The following ERBB3 variants were observed in gnomAD, a reference collection of about 807,000 sequenced individuals.
The protein encoded by ERBB3 is receptor tyrosine-protein kinase erbB-3.
In ERBB3, 96 loss-of-function variants were observed where a neutral mutation model predicts 156.7. The ratio of observed to expected loss-of-function variants is 0.61; its 90% CI spans 0.52 to 0.73. The LOEUF (loss-of-function observed/expected upper bound fraction) is 0.73, where lower values mean the gene tolerates loss of function less well. Ranked by LOEUF, ERBB3 falls within the 30% of genes least tolerant of loss-of-function variation. ERBB3 has a pLI of 0.00. For missense variants in ERBB3, 1,406 were observed against 1,709.4 expected (o/e 0.82, Z 3.13); for synonymous variants, 567 against 632.0 (o/e 0.90, Z 1.54).
rs1868803187 is a variant in ERBB3 at position 56,093,909 on chromosome 12, G to A, written c.1613+13G>A. The A allele has an allele frequency of 6.2e-7, 1 of 1,613,684 alleles. No homozygotes were observed. Among genetic ancestry groups the A allele is most frequent in the Non-Finnish European group, 8.5e-7 (1 of 1,179,798 alleles). On this transcript the variant is annotated intron_variant, in intron 13 of 27. Transcript: ENST00000267101. Reference sequence around the variant, plus strand: ...ACTTTCTGAATGGGTACAGTAAGGGGAGCCAGTCAAGGATGGGTGGGGGTG... The same window carrying A: ...ACTTTCTGAATGGGTACAGTAAGGGAAGCCAGTCAAGGATGGGTGGGGGTG...
Position 56,093,512 on chromosome 12 carries a change from G to A in ERBB3, c.1442G>A (p.Arg481Gln), listed in dbSNP as rs746806935. The A allele has an allele frequency of 3.7e-6, 6 of 1,613,504 alleles. No homozygotes were observed. The highest frequency in any genetic ancestry group is 3.3e-4 in the Middle Eastern group (2 of 6,048). Residue 481 changes from arginine to glutamine, a missense_variant, in exon 12 of 28, where the codon CGA (arginine) becomes CAA (glutamine). Arg to Gln is a conservative substitution (Grantham distance 43). Transcript: ENST00000267101. ...TKVLRGPTEE[R>Q]LDIKHNRPRR... ...GTGCTTCGGGGGCCTACGGAAGAGCGACTAGACATCAAGCATAATCGGCCG... is the reference window on the plus strand; with the variant it reads ...GTGCTTCGGGGGCCTACGGAAGAGCAACTAGACATCAAGCATAATCGGCCG...
intron 22 of ERBB3, 45 bp from the exon 23 acceptor site, chr12:56,098,714 T>C (rs760776632): frequency 2.5e-6 from 4 of 1,611,304 alleles, no homozygotes; most frequent in Non-Finnish European, 3.4e-6. Flanking sequence ...TTCATGCCCA[T>C]GTCTACTATT....
At chr12:56,084,881 G>T in intron 2 of ERBB3, 114 bp from the exon 3 acceptor site, 1 of 1,526,814 alleles carries the variant, frequency 6.5e-7, no homozygotes, top group Non-Finnish European at 8.9e-7. Flanking sequence ...AGAAAGGAAA[G>T]AAAGAAGGAA....
Position 56,095,655 on chromosome 12 carries a change from T to C in ERBB3, c.1914-10T>C. ...CCCAGGATAATGTTGGGTTTCTATA[T>C]ATCCCATAGCAAAACCCATCTGACA... On this transcript the variant is annotated splice_polypyrimidine_tract_variant and intron_variant, in intron 16 of 27. Transcript: ENST00000267101. The C allele has an allele frequency of 1.2e-6, 2 of 1,614,154 alleles. No homozygotes were observed. Among genetic ancestry groups the C allele is most frequent in the Non-Finnish European group, 1.7e-6 (2 of 1,179,986 alleles).
chr12:56,095,336 A>C (rs759029932), intron 16 of ERBB3, 26 bp downstream of exon 16: 2 of 1,598,708 alleles, frequency 1.3e-6, no homozygotes, highest in African/African-American at 2.7e-5. Context: ...AGATTCTGGA[A>C]ACTGGGGATA....
intron 9 of ERBB3, among the ~76,000 whole-genome samples, chr12:56,089,701 C>T (rs189800795): frequency 1.3e-5 from 2 of 151,714 alleles, no homozygotes; most frequent in Non-Finnish European, 2.9e-5. Flanking sequence ...ACCGAGATTA[C>T]ACCACCGCAC....
In ERBB3 at chr12:56,093,062, C is replaced by G. The variant is rs201663351; in HGVS notation, c.1260C>G (p.Gly420=). The G allele has an allele frequency of 6.2e-7, 1 of 1,612,858 alleles. No homozygotes were observed. The highest frequency in any genetic ancestry group is 2.2e-5 in the East Asian group (1 of 44,888). ...SVFSNLTTIG[G]RSLYNRGFSL... Reference sequence around the variant, plus strand: ...TTTCCAATTTGACAACCATTGGAGGCAGAAGCCTCTACAAGTGAGTAAAGG... The same window carrying G: ...TTTCCAATTTGACAACCATTGGAGGGAGAAGCCTCTACAAGTGAGTAAAGG... The change falls in exon 11 of 28, where the codon GGC becomes GGG. Residue 420 remains glycine (G), a synonymous_variant. Coordinates refer to ENST00000267101, the MANE Select transcript of ERBB3 (RefSeq NM_001982.4).
Position 56,096,554 on chromosome 12 carries a change from A to G in ERBB3, c.2107A>G (p.Ile703Val). Reference protein sequence around the residue: ...SEKANKVLARIFKETELRKLK... With the variant: ...SEKANKVLARVFKETELRKLK... ...GAAGGCTAACAAAGTCTTGGCCAGAATCTTCAAAGAGACAGAGCTAAGGAA... is the reference window on the plus strand; with the variant it reads ...GAAGGCTAACAAAGTCTTGGCCAGAGTCTTCAAAGAGACAGAGCTAAGGAA... The change falls in exon 18 of 28, where the codon ATC becomes GTC. Residue 703 changes from isoleucine (I) to valine (V), a missense_variant. This residue lies in a region of ERBB3 where 979 missense variants were observed against 1,219.6 expected (regional missense o/e 0.80). Transcript: ENST00000267101. The G allele has an allele frequency of 6.2e-7, 1 of 1,614,236 alleles. No homozygotes were observed. Among genetic ancestry groups the G allele is most frequent in the Non-Finnish European group, 8.5e-7 (1 of 1,180,040 alleles).
At chr12:56,098,728 C>T (rs1297020828) in intron 22 of ERBB3, 31 bp from the exon 23 acceptor site, 12 of 1,613,620 alleles carry the variant, frequency 7.4e-6, no homozygotes, top group Admixed American at 1.7e-5. Context: ...TACTATTTTG[C>T]CAGTGACTAG....
In ERBB3 at chr12:56,092,830, AG is replaced by A. The variant is rs1868759776; in HGVS notation, c.1183+11del. The A allele has an allele frequency of 1.2e-6, 2 of 1,612,982 alleles. No homozygotes were observed. Among genetic ancestry groups the A allele is most frequent in the Admixed American group, 3.3e-5 (2 of 59,986 alleles). ...GTACGGGAGATCACAGGTGAGTGGCAGAGAGTTTGCCCTTTCTAGAAGAATA... is the reference window on the plus strand; with the variant it reads ...GTACGGGAGATCACAGGTGAGTGGCAAGAGTTTGCCCTTTCTAGAAGAATA... On this transcript the variant is annotated intron_variant, in intron 10 of 27. Transcript: ENST00000267101.
At chr12:56,083,931 C>T (rs756535556) in intron 2 of ERBB3, 29 bp downstream of exon 2, 2 of 1,609,982 alleles carry the variant, frequency 1.2e-6, no homozygotes, top group South Asian at 1.1e-5. Flanking sequence ...CTTCCTCAAC[C>T]TGCTCCTCTT....
At chr12:56,092,354 T>TACTCCAGC (rs1471212839) in intron 9 of ERBB3, among the ~76,000 whole-genome samples, 1 of 122,342 alleles carries the variant, frequency 8.2e-6, no homozygotes, top group Non-Finnish European at 1.6e-5. Context: ...GCTGCCACTG[T>TACTCCAGC]ACTCCAGCCT....
intron 20 of ERBB3, among the ~76,000 whole-genome samples, chr12:56,097,550 T>C (rs1868928973): frequency 6.6e-6 from 1 of 152,112 alleles, no homozygotes; most frequent in African/African-American, 2.4e-5. Context: ...AGGATCTAGG[T>C]TGTGCACTCC....
rs1410402962 is a variant in ERBB3 at position 56,099,916 on chromosome 12, G to A, written c.3016G>A (p.Glu1006Lys). ...CAAGAAGCTAGAGGAAGTAGAGCTGGAGCCAGAACTAGACCTAGACCTAGA... is the reference window on the plus strand; with the variant it reads ...CAAGAAGCTAGAGGAAGTAGAGCTGAAGCCAGAACTAGACCTAGACCTAGA... ...TNKKLEEVEL[E>K]PELDLDLDLE... is the part of the protein sequence containing the mutation. The change falls in exon 25 of 28, where the codon GAG becomes AAG. Residue 1006 changes from glutamate (E) to lysine (K), a missense_variant. By Grantham distance (56) the Glu-to-Lys change is moderately conservative. Coordinates refer to ENST00000267101, the MANE Select transcript of ERBB3 (RefSeq NM_001982.4). 6.2e-7 allele frequency: 1 copy of A among 1,614,236 alleles called. No homozygotes were observed. The highest frequency in any genetic ancestry group is 1.7e-5 in the Admixed American group (1 of 60,028).
chr12:56,100,310 T>C, intron 26 of ERBB3, 65 bp downstream of exon 26: 1 of 1,305,210 alleles, frequency 7.7e-7, no homozygotes. Flanking sequence ...TGGAAGACAT[T>C]AGAAACCTCT....
rs140116753 is a variant in ERBB3, at chr12:56,098,201, A to G, written c.2616+261A>G. On this transcript the variant is annotated intron_variant, in intron 21 of 27. Coordinates refer to ENST00000267101, the MANE Select transcript of ERBB3 (RefSeq NM_001982.4). ...GGGTGGATCACAAGGTCAGGAGATC[A>G]AGACCATCCTGGCTAGCACGGTGAA... 25,326 of 557,236 alleles carry G rather than the reference A, an allele frequency of 0.045. 754 individuals carry two copies. Among genetic ancestry groups the G allele is most frequent in the Non-Finnish European group, 0.061 (19,053 of 313,092 alleles). The allele number at this position is 557,236 out of a possible 1,614,324, so 34.5% of individuals were successfully genotyped here.
Position 56,099,496 on chromosome 12 carries a change from A to G in ERBB3, c.2840-152A>G, listed in dbSNP as rs1592231785. On this transcript the variant is annotated intron_variant, in intron 23 of 27. Transcript: ENST00000267101. ...GTCTTTTTAGTAGAGATGGGGTTTC[A>G]CTATGTTGGCCAGGCTGGTCTCAAA... 8.6e-6 allele frequency: 6 copies of G among 695,752 alleles called. No individual in the cohort carries two copies. In the East Asian group the frequency reaches 1.3e-4, roughly 16 times the overall value. 43.1% of individuals were successfully genotyped at this position (695,752 alleles called of 1,614,324 possible). A position where few individuals can be genotyped will look rare whatever the true frequency, so the allele number is the denominator to read the frequency against.
At chr12:56,089,369 T>G (rs1005151508) in intron 9 of ERBB3, among the ~76,000 whole-genome samples, 15 of 152,034 alleles carry the variant, frequency 9.9e-5, no homozygotes, top group Admixed American at 4.6e-4. Flanking sequence ...AATCCTCCCA[T>G]CTTGGCCTCC....
At chr12:56,081,167 C>G (rs1318406838) in intron 1 of ERBB3, among the ~76,000 whole-genome samples, 1 of 152,238 alleles carries the variant, frequency 6.6e-6, no homozygotes, top group African/African-American at 2.4e-5. Context: ...GAGGGCACCT[C>G]TGCTACTTTC....
Sources: gnomAD v4.1 joint callset for allele counts (sites outside exome capture counted in the v4.1 genomes callset) on GRCh38, gnomAD v4.1.1 for gene constraint, gnomAD v4.1.1 regional missense constraint, MANE v1.5 for transcripts, NCBI Gene and HGNC (gene_info 2026-07-23, HGNC 2026-07-21) for gene names.